Variants in CCR3 observed in about 807,000 individuals in gnomAD.
CCR3 encodes the protein C-C motif chemokine receptor 3, also known as C-C chemokine receptor type 3.
For missense variants in CCR3, 419 were observed against 437.5 expected (o/e 0.96, Z 0.38); for synonymous variants, 203 against 179.2 (o/e 1.13, Z -1.06).
intron 1 of CCR3, among the ~76,000 whole-genome samples, chr3:46,253,979 A>G (rs1193824112): frequency 6.6e-6 from 1 of 151,800 alleles, no homozygotes; most frequent in African/African-American, 2.4e-5. Flanking sequence ...AAAGAATGAG[A>G]CAGTTCTACA....
At chr3:46,228,438 C>A (rs1421332546) in intron 2 of CCR3, among the ~76,000 whole-genome samples, 1 of 152,144 alleles carries the variant, frequency 6.6e-6, no homozygotes, top group African/African-American at 2.4e-5. Flanking sequence ...TTTGACCCCA[C>A]CCTTGTATCT....
intron 2 of CCR3, among the ~76,000 whole-genome samples, chr3:46,220,361 G>T (rs189954213): frequency 6.6e-6 from 1 of 152,156 alleles, no homozygotes; most frequent in Admixed American, 6.5e-5. Flanking sequence ...ATAGATGTTG[G>T]CAGGGATGTG....
At chr3:46,251,789 TCTGG>T (rs1700318615) in intron 1 of CCR3, among the ~76,000 whole-genome samples, 1 of 152,130 alleles carries the variant, frequency 6.6e-6, no homozygotes, top group Non-Finnish European at 1.5e-5. Context: ...GGGTTTGTTC[TCTGG>T]CAGGCAGGAG....
chr3:46,256,121 AC>A (rs1700419482), intron 1 of CCR3, among the ~76,000 whole-genome samples: 1 of 151,852 alleles, frequency 6.6e-6, no homozygotes, highest in Non-Finnish European at 1.5e-5. Context: ...AGTATTTTGA[AC>A]TTTTTTTGTG....
At chr3:46,238,203 T>G (rs1215490161), upstream of CCR3, among the ~76,000 whole-genome samples, 1 of 152,170 alleles carries the variant, frequency 6.6e-6, no homozygotes, top group African/African-American at 2.4e-5. Flanking sequence ...ACTAGCTCTG[T>G]ATGAGAGTTT....
chr3:46,233,600 G>A (rs138571011), intron 2 of CCR3, among the ~76,000 whole-genome samples: 1,632 of 152,186 alleles, frequency 0.011, 37 homozygotes, highest in African/African-American at 0.037. Flanking sequence ...CTGGGAGATT[G>A]GAAGACATTT....
At chr3:46,243,486 G>T (rs1465109951) in intron 1 of CCR3, among the ~76,000 whole-genome samples, 1 of 152,052 alleles carries the variant, frequency 6.6e-6, no homozygotes, top group African/African-American at 2.4e-5. Context: ...TGATTGATTT[G>T]GTGTCTTTTT....
chr3:46,248,813 G>A (rs895814654), intron 1 of CCR3, among the ~76,000 whole-genome samples: 1 of 152,156 alleles, frequency 6.6e-6, no homozygotes, highest in Non-Finnish European at 1.5e-5. Context: ...CAGAATAATG[G>A]GTAGTAGAGG....
intron 1 of CCR3, among the ~76,000 whole-genome samples, chr3:46,243,891 A>G (rs753543386): frequency 6.6e-6 from 1 of 152,234 alleles, no homozygotes; most frequent in Non-Finnish European, 1.5e-5. Flanking sequence ...CAGTAATGAA[A>G]TAAATGTTAA....
At chr3:46,253,542 A>G (rs1700359596) in intron 1 of CCR3, among the ~76,000 whole-genome samples, 1 of 152,192 alleles carries the variant, frequency 6.6e-6, no homozygotes. Context: ...TATTTGGACC[A>G]CTTTCGGATG....
intron 2 of CCR3, among the ~76,000 whole-genome samples, chr3:46,215,831 A>G (rs554480297): frequency 6.6e-6 from 1 of 152,294 alleles, no homozygotes; most frequent in East Asian, 1.9e-4. Flanking sequence ...CAGCTTGTAG[A>G]TGTTCAGTAA....
chr3:46,239,877 C>A (rs767744996), upstream of CCR3, among the ~76,000 whole-genome samples: 8 of 152,078 alleles, frequency 5.3e-5, no homozygotes, highest in African/African-American at 9.7e-5. Context: ...CTCTGAAAAC[C>A]CTCAAACACT....
At chr3:46,212,709 C>A (rs1699730002) in intron 2 of CCR3, among the ~76,000 whole-genome samples, 1 of 152,136 alleles carries the variant, frequency 6.6e-6, no homozygotes, top group Non-Finnish European at 1.5e-5. Context: ...TTTGCCCCCT[C>A]TCTCCCTACT....
chr3:46,210,949 T>C (rs200726165), intron 2 of CCR3: 5 of 152,212 alleles, frequency 3.3e-5, no homozygotes, highest in Non-Finnish European at 7.3e-5. Context: ...TAGAGTCACA[T>C]GGAAGCTTGA....
At chr3:46,235,329 A>G (rs1700012099) in intron 2 of CCR3, among the ~76,000 whole-genome samples, 1 of 152,198 alleles carries the variant, frequency 6.6e-6, no homozygotes, top group Non-Finnish European at 1.5e-5. Flanking sequence ...GGAGTGTGGA[A>G]AGGGAGGTGA....
At chr3:46,222,979 G>A (rs1380140967) in intron 2 of CCR3, among the ~76,000 whole-genome samples, 1 of 152,192 alleles carries the variant, frequency 6.6e-6, no homozygotes, top group African/African-American at 2.4e-5. Context: ...GAAGGAGAAA[G>A]TATATTAAGG....
intron 2 of CCR3, among the ~76,000 whole-genome samples, chr3:46,212,260 G>A (rs1023677711): frequency 3.3e-5 from 5 of 152,166 alleles, no homozygotes; most frequent in African/African-American, 9.7e-5. Flanking sequence ...TGGTGGTGCC[G>A]TGATCACAGA....
chr3:46,229,009 G>A lies in CCR3; in HGVS notation c.-67-13393G>A, dbSNP rs915413178. ...TCCTCTTTCTAGCTTTTCCTTTCCT[G>A]CTCAGCTAGCTATATGCATATGTGA... On this transcript the variant is annotated intron_variant, in intron 2 of 3. Transcript: ENST00000357422. Among the ~76,000 whole-genome samples the A allele has an allele frequency of 2.0e-5, 3 of 152,046 alleles. No individual in the cohort carries two copies. In the East Asian group the frequency reaches 5.8e-4, roughly 29 times the overall value.
intron 2 of CCR3, among the ~76,000 whole-genome samples, chr3:46,216,106 T>C (rs1699771301): frequency 6.6e-6 from 1 of 152,226 alleles, no homozygotes; most frequent in Non-Finnish European, 1.5e-5. Flanking sequence ...ATTTGAAGTG[T>C]ATGCATTTTT....
Sources: allele counts gnomAD v4.1 joint callset (sites outside exome capture counted in the v4.1 genomes callset), GRCh38; gene constraint gnomAD v4.1.1; transcripts MANE v1.5; gene names NCBI Gene and HGNC (gene_info 2026-07-23, HGNC 2026-07-21).